Variants in TRIM36 observed in about 807,000 individuals in gnomAD.
The protein encoded by TRIM36 is E3 ubiquitin-protein ligase TRIM36.
A neutral mutation model predicts 72.4 loss-of-function variants in TRIM36; 42 were observed. That is an observed-to-expected ratio of 0.58 (90% CI 0.45 to 0.75). The LOEUF (loss-of-function observed/expected upper bound fraction) is 0.75. Among genes scored for constraint, TRIM36 ranks in the 30% least tolerant of loss-of-function variants. The pLI is 0.00. For synonymous variants in TRIM36, 315 were observed against 282.8 expected, an observed-to-expected ratio of 1.11 and a Z score of -1.14; for missense variants, 913 against 857.1, an observed-to-expected ratio of 1.07 and a Z score of -0.81.
chr5:115,125,598 T>C lies in TRIM36; in HGVS notation c.*905A>G, dbSNP rs1015609284. On this transcript the variant is annotated 3_prime_UTR_variant, in exon 10 of 10. Coordinates refer to ENST00000513154, the MANE Select transcript of TRIM36 (RefSeq NM_001300759.2). ...TGATATGTAATAATTGGGCCAAAAA[T>C]GAAAATCACAAAACACAGTAAGGGG... The C allele has an allele frequency of 6.6e-6, 1 of 151,972 alleles. No homozygotes were observed. The highest frequency in any genetic ancestry group is 2.4e-5 in the African/African-American group (1 of 41,406). The allele number at this position is 151,972 out of a possible 1,614,324, so 9.4% of individuals were successfully genotyped here. A position where few individuals can be genotyped will look rare whatever the true frequency, so the allele number is the denominator to read the frequency against.
intron 9 of TRIM36, among the ~76,000 whole-genome samples, chr5:115,129,377 A>T (rs1752529806): frequency 6.6e-6 from 1 of 152,154 alleles, no homozygotes; most frequent in Non-Finnish European, 1.5e-5. Flanking sequence ...AGCCTGACCA[A>T]CATGGAGAAA....
At chr5:115,176,132 A>C (rs1263341481) in intron 1 of TRIM36, among the ~76,000 whole-genome samples, 2 of 152,158 alleles carry the variant, frequency 1.3e-5, no homozygotes, top group South Asian at 4.1e-4. Flanking sequence ...TCTCAAAAAA[A>C]AATAAAAATA....
intron 1 of TRIM36, among the ~76,000 whole-genome samples, chr5:115,168,009 T>C (rs1041863869): frequency 6.6e-6 from 1 of 152,148 alleles, no homozygotes; most frequent in Admixed American, 6.6e-5. Flanking sequence ...GAACAGAGAA[T>C]ACTGCCTTAT....
At chr5:115,152,296 G>A (rs372692845) in intron 2 of TRIM36, among the ~76,000 whole-genome samples, 43 of 152,140 alleles carry the variant, frequency 2.8e-4, no homozygotes, top group Non-Finnish European at 4.1e-4. Flanking sequence ...CAAAGTCTTC[G>A]AACTAACCCA....
intron 9 of TRIM36, among the ~76,000 whole-genome samples, chr5:115,129,582 A>T (rs114154251): frequency 2.0e-5 from 3 of 152,122 alleles, no homozygotes; most frequent in Admixed American, 2.0e-4. Flanking sequence ...AAATACAAAG[A>T]TAAGATGTAT....
chr5:115,141,155 G>A (rs1468358393), intron 5 of TRIM36, 124 bp downstream of exon 5: 15 of 669,708 alleles, frequency 2.2e-5, no homozygotes, highest in Non-Finnish European at 2.9e-5. Context: ...AAAAGCAGGG[G>A]TGAAATCTAA....
chr5:115,175,769 C>T (rs914937835), intron 1 of TRIM36, among the ~76,000 whole-genome samples: 24 of 152,040 alleles, frequency 1.6e-4, no homozygotes, highest in African/African-American at 5.3e-4. Context: ...CCTGCCTTCC[C>T]TACTCCCCAC....
intron 8 of TRIM36, among the ~76,000 whole-genome samples, chr5:115,131,788 T>C (rs1358641027): frequency 6.6e-6 from 1 of 152,128 alleles, no homozygotes; most frequent in Non-Finnish European, 1.5e-5. Context: ...AAAGGACAAA[T>C]ATTGCATTAT....
At chr5:115,157,004 A>G (rs1285515073) in intron 2 of TRIM36, among the ~76,000 whole-genome samples, 2 of 152,212 alleles carry the variant, frequency 1.3e-5, no homozygotes, top group African/African-American at 4.8e-5. Flanking sequence ...TGGGCTAAGG[A>G]CATGAATAGA....
chr5:115,145,727 C>T (rs1753556231), intron 3 of TRIM36, among the ~76,000 whole-genome samples: 1 of 151,996 alleles, frequency 6.6e-6, no homozygotes, highest in African/African-American at 2.4e-5. Context: ...AAGGAACGAA[C>T]AAAAAGTACA....
intron 7 of TRIM36, among the ~76,000 whole-genome samples, chr5:115,135,399 A>T (rs570784358): frequency 3.3e-5 from 5 of 151,810 alleles, no homozygotes; most frequent in East Asian, 1.9e-4. Flanking sequence ...TTTAAAATTT[A>T]AAAAAAAAGT....
At chr5:115,175,648 C>CTT (rs1010069620) in intron 1 of TRIM36, among the ~76,000 whole-genome samples, 3 of 148,168 alleles carry the variant, frequency 2.0e-5, no homozygotes, top group Non-Finnish European at 4.5e-5. Context: ...TAGGAGACAC[C>CTT]TTTTTTTTTC....
chr5:115,174,190 T>C (rs1008506318), upstream of TRIM36: 5 of 152,216 alleles, frequency 3.3e-5, no homozygotes, highest in African/African-American at 1.2e-4. Flanking sequence ...CAAGTCCTAA[T>C]GACCATGGTG....
chr5:115,141,590 G>T (rs1442958124), intron 4 of TRIM36, among the ~76,000 whole-genome samples: 1 of 151,838 alleles, frequency 6.6e-6, no homozygotes, highest in Middle Eastern at 3.2e-3. Flanking sequence ...AAAATCAGTT[G>T]GAAAAAAGAA....
At position 115,147,964 on chromosome 5, in the gene TRIM36, A is replaced by G. The variant is rs138369638; in HGVS notation, c.263-570T>C. ...CAGCTTTTATCAGATTTTCAAAAGAATATGTGATGTGACCACAAAATTTTT... is the reference window on the plus strand; with the variant it reads ...CAGCTTTTATCAGATTTTCAAAAGAGTATGTGATGTGACCACAAAATTTTT... On this transcript the variant is annotated intron_variant, in intron 2 of 9. Transcript: ENST00000513154. 7.7e-4 allele frequency among the ~76,000 whole-genome samples: 118 copies of G among 152,374 alleles called. 1 individual carries two copies. Among genetic ancestry groups the G allele is most frequent in the African/African-American group, 2.7e-3 (111 of 41,584 alleles).
chr5:115,162,283 G>A (rs1561443609), intron 2 of TRIM36, among the ~76,000 whole-genome samples: 1 of 152,084 alleles, frequency 6.6e-6, no homozygotes, highest in Admixed American at 6.6e-5. Context: ...ATGCTATTTC[G>A]GATCTAGACA....
chr5:115,146,865 A>G (rs145201749), intron 3 of TRIM36, among the ~76,000 whole-genome samples: 16 of 152,304 alleles, frequency 1.1e-4, no homozygotes, highest in African/African-American at 3.8e-4. Flanking sequence ...ATAAACCACA[A>G]TATTGCCCTC....
chr5:115,130,489 T>G, intron 9 of TRIM36, 103 bp downstream of exon 9: 2 of 1,325,848 alleles, frequency 1.5e-6, no homozygotes, highest in Non-Finnish European at 2.0e-6. Flanking sequence ...AATACTAGAA[T>G]CTAAGAAATA....
intron 2 of TRIM36, among the ~76,000 whole-genome samples, 181 bp downstream of exon 2, chr5:115,163,337 C>T (rs1580699366): frequency 1.3e-5 from 2 of 152,112 alleles, no homozygotes; most frequent in African/African-American, 4.8e-5. Flanking sequence ...TATCAAAAGA[C>T]GAGAGTTCAT....
Sources: allele counts gnomAD v4.1 joint callset (sites outside exome capture counted in the v4.1 genomes callset), GRCh38; gene constraint gnomAD v4.1.1; transcripts MANE v1.5; gene names NCBI Gene and HGNC (gene_info 2026-07-23, HGNC 2026-07-21).